Variants in DOK5 observed in about 807,000 individuals in gnomAD.
DOK5 encodes the protein docking protein 5.
A neutral mutation model predicts 43.3 loss-of-function variants in DOK5; 27 were observed. The ratio of observed to expected loss-of-function variants is 0.62; its 90% CI spans 0.46 to 0.86. DOK5 has a LOEUF of 0.86. DOK5 is among the 40% of genes least tolerant of loss of function. The pLI, the probability that DOK5 is intolerant of heterozygous loss-of-function variation, is 0.00. For synonymous variants in DOK5, 146 were observed against 140.1 expected, an observed-to-expected ratio of 1.04 and a Z score of -0.30; for missense variants, 373 against 392.9, an observed-to-expected ratio of 0.95 and a Z score of 0.43.
At chr20:54,611,780 T>C (rs910821429) in intron 6 of DOK5, among the ~76,000 whole-genome samples, 4 of 152,196 alleles carry the variant, frequency 2.6e-5, no homozygotes, top group African/African-American at 4.8e-5. Context: ...AACTTTATGA[T>C]TGAAACATGT....
intron 2 of DOK5, among the ~76,000 whole-genome samples, chr20:54,585,272 C>T (rs572680560): frequency 6.6e-6 from 1 of 152,242 alleles, no homozygotes; most frequent in South Asian, 2.1e-4. Context: ...ATGACCCTGG[C>T]TGCTCTGGGA....
At chr20:54,505,757 T>C (rs1264114555) in intron 1 of DOK5, among the ~76,000 whole-genome samples, 9 of 151,878 alleles carry the variant, frequency 5.9e-5, no homozygotes, top group Non-Finnish European at 1.2e-4. Flanking sequence ...TGTGGACACA[T>C]GAAGAAGAGG....
chr20:54,575,375 T>C (rs1221172845), intron 2 of DOK5, among the ~76,000 whole-genome samples: 1 of 152,156 alleles, frequency 6.6e-6, no homozygotes, highest in East Asian at 1.9e-4. Flanking sequence ...AAGTTAAGTA[T>C]ATGAGGAACT....
At chr20:54,578,018 T>C (rs879817829) in intron 2 of DOK5, among the ~76,000 whole-genome samples, 5 of 152,214 alleles carry the variant, frequency 3.3e-5, no homozygotes, top group Non-Finnish European at 7.3e-5. Flanking sequence ...AGAATGTGCC[T>C]TTGGTTTGAT....
chr20:54,511,123 C>T lies in DOK5; in HGVS notation c.66+35111C>T, dbSNP rs6023338. ...AGCATCACTTTGGAGAATGAGGGTG[C>T]TTTAAGTCACACACTTCCACTTCCA... On this transcript the variant is annotated intron_variant, in intron 1 of 7. Coordinates refer to ENST00000262593, the MANE Select transcript of DOK5 (RefSeq NM_018431.5). Among the ~76,000 whole-genome samples the T allele has an allele frequency of 4.3e-3, 653 of 152,286 alleles. 4 individuals carry two copies. Among genetic ancestry groups the T allele is most frequent in the African/African-American group, 0.015 (627 of 41,548 alleles).
intron 1 of DOK5, among the ~76,000 whole-genome samples, chr20:54,516,281 AAATGATGT>A (rs1983193993): frequency 6.6e-6 from 1 of 152,222 alleles, no homozygotes; most frequent in South Asian, 2.1e-4. Context: ...ATGAATTTGA[AAATGATGT>A]GGGGGTTGTT....
In DOK5 at chr20:54,537,784, G is replaced by T. The variant is rs369618624; in HGVS notation, c.67-17149G>T. ...GTGGAAGTCCTCATCTACCATTGCT[G>T]ACAGAATCTTGGAAACTGTGACTTT... On this transcript the variant is annotated intron_variant, in intron 1 of 7. Transcript: ENST00000262593. Among the ~76,000 whole-genome samples, 41 of 150,566 alleles carry T rather than the reference G, an allele frequency of 2.7e-4. 2 individuals are homozygous for T. Among genetic ancestry groups the T allele is most frequent in the East Asian group, 2.5e-3 (13 of 5,116 alleles).
chr20:54,541,649 C>G (rs962112851), intron 1 of DOK5, among the ~76,000 whole-genome samples: 3 of 152,040 alleles, frequency 2.0e-5, no homozygotes, highest in African/African-American at 7.2e-5. Flanking sequence ...ATTGGCCAGG[C>G]TGGTCTAGAA....
intron 6 of DOK5, among the ~76,000 whole-genome samples, chr20:54,614,715 A>G (rs1051031547): frequency 3.3e-5 from 5 of 152,238 alleles, no homozygotes; most frequent in African/African-American, 9.6e-5. Flanking sequence ...TATAAAATAA[A>G]TGTGATTTTT....
chr20:54,635,466 C>T (rs995955460), intron 6 of DOK5, among the ~76,000 whole-genome samples: 4 of 152,176 alleles, frequency 2.6e-5, no homozygotes, highest in African/African-American at 7.2e-5. Flanking sequence ...TTGGTCTCCA[C>T]AACCCCTTAC....
rs186435517 is a variant in DOK5, at chr20:54,491,624, C to T, written c.66+15612C>T. On this transcript the variant is annotated intron_variant, in intron 1 of 7. Transcript: ENST00000262593. ...CGGCTTCCGCTGCGGAAGATGGAGA[C>T]GGAAATGCCTGCCCTCCTTCCCCCA... Among the ~76,000 whole-genome samples the T allele has an allele frequency of 4.6e-5, 7 of 152,256 alleles. No homozygotes were observed. In the East Asian group the frequency reaches 5.8e-4, roughly 13 times the overall value.
chr20:54,584,774 TACACACAC>T (rs139033675), intron 2 of DOK5, among the ~76,000 whole-genome samples: 6 of 146,592 alleles, frequency 4.1e-5, no homozygotes, highest in African/African-American at 1.5e-4. Context: ...TATCTAGATA[TACACACAC>T]ACACACACAC....
intron 1 of DOK5, among the ~76,000 whole-genome samples, chr20:54,537,943 A>G (rs1006186042): frequency 1.3e-5 from 2 of 150,370 alleles, no homozygotes; most frequent in African/African-American, 4.9e-5. Flanking sequence ...GGTTCAAGCA[A>G]TTCTCCTGCC....
intron 1 of DOK5, among the ~76,000 whole-genome samples, chr20:54,491,099 T>C (rs1405826788): frequency 6.6e-6 from 1 of 152,236 alleles, no homozygotes; most frequent in African/African-American, 2.4e-5. Context: ...TCAGGTATTC[T>C]CTGTCTCACT....
chr20:54,526,705 C>T (rs914769352), intron 1 of DOK5, among the ~76,000 whole-genome samples: 1 of 152,096 alleles, frequency 6.6e-6, no homozygotes, highest in Non-Finnish European at 1.5e-5. Context: ...ACCTGGAACA[C>T]CTCCATTTTC....
intron 1 of DOK5, among the ~76,000 whole-genome samples, chr20:54,551,549 G>T (rs117278751): frequency 0.015 from 2,352 of 152,010 alleles, 34 homozygotes; most frequent in Non-Finnish European, 0.026. Flanking sequence ...TAATATTTAG[G>T]TCTATTTTAA....
intron 2 of DOK5, among the ~76,000 whole-genome samples, chr20:54,576,037 A>C (rs1297533646): frequency 6.6e-6 from 1 of 152,214 alleles, no homozygotes; most frequent in Non-Finnish European, 1.5e-5. Context: ...AGAAACGATC[A>C]GAGGCAGAAA....
Position 54,486,656 on chromosome 20 carries a change from T to C in DOK5, c.66+10644T>C, listed in dbSNP as rs957312848. On this transcript the variant is annotated intron_variant, in intron 1 of 7. Transcript: ENST00000262593. ...AGAAGTTTGAGACTCACACTTTAGTTTGGGTCTCAGCTTGGCCGCTTATTG... is the reference window on the plus strand; with the variant it reads ...AGAAGTTTGAGACTCACACTTTAGTCTGGGTCTCAGCTTGGCCGCTTATTG... 5.9e-5 allele frequency among the ~76,000 whole-genome samples: 9 copies of C among 152,064 alleles called. No individual in the cohort carries two copies. The South Asian group carries it at 6.2e-4, about 11-fold the overall frequency.
intron 2 of DOK5, among the ~76,000 whole-genome samples, chr20:54,587,610 A>C (rs994506999): frequency 6.6e-6 from 1 of 152,224 alleles, no homozygotes; most frequent in Non-Finnish European, 1.5e-5. Flanking sequence ...CCAAACCTCC[A>C]ATGCAGCTGA....
Sources: gnomAD v4.1 joint callset for allele counts (sites outside exome capture counted in the v4.1 genomes callset) on GRCh38, gnomAD v4.1.1 for gene constraint, MANE v1.5 for transcripts, NCBI Gene and HGNC (gene_info 2026-07-23, HGNC 2026-07-21) for gene names.